Variants in SOX5 observed in about 807,000 individuals in gnomAD.
The protein encoded by SOX5 is transcription factor SOX-5.
Under a neutral mutation model 92.0 loss-of-function variants are expected in SOX5, and 9 were observed. That is an observed-to-expected ratio of 0.10 (90% CI 0.06 to 0.17). SOX5 has a LOEUF of 0.17. Ranked by LOEUF, SOX5 falls within the 10% of genes least tolerant of loss-of-function variation. The probability of loss-of-function intolerance (pLI) is 1.00; values close to 1 mark genes in which losing one functional copy is unlikely to be tolerated. For missense variants in SOX5, 642 were observed against 944.5 expected (o/e 0.68, Z 4.20); for synonymous variants, 344 against 336.3 (o/e 1.02, Z -0.25).
intron 12 of SOX5, 22 bp from the exon 13 acceptor site, chr12:23,543,406 T>A (rs888675020): frequency 6.2e-7 from 1 of 1,603,986 alleles, no homozygotes; most frequent in Non-Finnish European, 8.5e-7. Context: ...AAACATCACT[T>A]CGTGTTAGCG....
chr12:24,132,730 G>A (rs1260616680), intron 4 of SOX5, among the ~76,000 whole-genome samples: 3 of 151,964 alleles, frequency 2.0e-5, no homozygotes, highest in East Asian at 1.9e-4. Flanking sequence ...AAGCAAAAAC[G>A]CCACCACCAA....
intron 2 of SOX5, among the ~76,000 whole-genome samples, chr12:24,281,784 T>C (rs1315889001): frequency 1.3e-5 from 2 of 152,226 alleles, no homozygotes; most frequent in African/African-American, 2.4e-5. Flanking sequence ...TTCTTTTTTA[T>C]ATTATTTCAT....
At chr12:23,585,370 T>C (rs995900333) in intron 9 of SOX5, among the ~76,000 whole-genome samples, 5 of 152,308 alleles carry the variant, frequency 3.3e-5, no homozygotes, top group Admixed American at 2.0e-4. Context: ...AAAGCCATTG[T>C]CAGGAACTAT....
rs181052298 is a variant in SOX5 at position 23,580,734 on chromosome 12, A to G, written c.1165-4896T>C. Among the ~76,000 whole-genome samples the G allele has an allele frequency of 7.2e-5, 11 of 152,194 alleles. No homozygotes were observed. The East Asian group carries it at 2.1e-3, about 29-fold the overall frequency. Reference sequence around the variant, plus strand: ...TCTGGGATGTTCCATTTACATAATTATAGCTACGATAACTTGTCTGAAAGC... The same window carrying G: ...TCTGGGATGTTCCATTTACATAATTGTAGCTACGATAACTTGTCTGAAAGC... On this transcript the variant is annotated intron_variant, in intron 9 of 14. Coordinates refer to ENST00000451604, the MANE Select transcript of SOX5 (RefSeq NM_006940.6).
At chr12:24,271,933 T>C (rs1185189538) in intron 3 of SOX5, among the ~76,000 whole-genome samples, 1 of 152,034 alleles carries the variant, frequency 6.6e-6, no homozygotes. Context: ...GACTATCTTT[T>C]GCCTTTCACA....
intron 2 of SOX5, among the ~76,000 whole-genome samples, chr12:24,363,993 GT>G (rs1420594581): frequency 6.6e-6 from 1 of 152,180 alleles, no homozygotes; most frequent in African/African-American, 2.4e-5. Context: ...TGTCTGACAT[GT>G]TTTCGTCGGC....
intron 3 of SOX5, among the ~76,000 whole-genome samples, chr12:23,796,129 A>T (rs1328610402): frequency 1.3e-5 from 2 of 152,186 alleles, no homozygotes; most frequent in Non-Finnish European, 2.9e-5. Context: ...CTTTTAAATT[A>T]TAATGAATCC....
chr12:23,651,911 T>G (rs924176103), intron 7 of SOX5, among the ~76,000 whole-genome samples: 1 of 151,934 alleles, frequency 6.6e-6, no homozygotes, highest in Non-Finnish European at 1.5e-5. Context: ...GAAGGCTGAT[T>G]ATGGTCTATC....
chr12:23,842,494 G>T (rs930144210), intron 3 of SOX5, among the ~76,000 whole-genome samples: 1 of 152,058 alleles, frequency 6.6e-6, no homozygotes, highest in Non-Finnish European at 1.5e-5. Flanking sequence ...TCAAAGGAAC[G>T]ATACGTCAGA....
At chr12:23,802,152 C>A (rs565504368) in intron 3 of SOX5, among the ~76,000 whole-genome samples, 1 of 152,234 alleles carries the variant, frequency 6.6e-6, no homozygotes, top group East Asian at 1.9e-4. Context: ...CGGCTCACTG[C>A]AAGCTCTGCC....
At chr12:24,278,887 T>A (rs1445258700) in intron 2 of SOX5, among the ~76,000 whole-genome samples, 1 of 151,932 alleles carries the variant, frequency 6.6e-6, no homozygotes, top group East Asian at 1.9e-4. Context: ...TTTTTTTTTT[T>A]TTTTTAGTTA....
At chr12:24,524,503 T>C (rs890151069) in intron 1 of SOX5, among the ~76,000 whole-genome samples, 2 of 150,234 alleles carry the variant, frequency 1.3e-5, no homozygotes, top group African/African-American at 4.9e-5. Context: ...AGAAACGTTT[T>C]CAATTGAAAA....
chr12:23,961,019 A>C (rs1284126819), intron 4 of SOX5, among the ~76,000 whole-genome samples: 1 of 152,134 alleles, frequency 6.6e-6, no homozygotes, highest in African/African-American at 2.4e-5. Flanking sequence ...CATCTAATTA[A>C]ACTACAAACT....
At chr12:24,321,116 G>A (rs1402793850) in intron 2 of SOX5, among the ~76,000 whole-genome samples, 1 of 152,090 alleles carries the variant, frequency 6.6e-6, no homozygotes, top group Non-Finnish European at 1.5e-5. Context: ...TGTTAGCCAG[G>A]GTTAATGCTG....
chr12:24,445,458 A>G (rs1941331025), intron 1 of SOX5, among the ~76,000 whole-genome samples: 1 of 152,206 alleles, frequency 6.6e-6, no homozygotes, highest in African/African-American at 2.4e-5. Context: ...GGATTATTAG[A>G]CAGATGACTT....
At chr12:23,830,461 G>T (rs1309496311) in intron 3 of SOX5, among the ~76,000 whole-genome samples, 1 of 152,168 alleles carries the variant, frequency 6.6e-6, no homozygotes, top group East Asian at 1.9e-4. Context: ...ACTTAAAAGG[G>T]CTCAATTGAA....
intron 1 of SOX5, among the ~76,000 whole-genome samples, chr12:24,370,477 A>AG (rs1491222305): frequency 6.2e-5 from 2 of 32,214 alleles, no homozygotes; most frequent in African/African-American, 2.2e-4. Flanking sequence ...ACTCCGTCTC[A>AG]AAAAAAAAAA....
chr12:23,797,060 G>GA (rs1204955908), intron 3 of SOX5, among the ~76,000 whole-genome samples: 1 of 151,210 alleles, frequency 6.6e-6, no homozygotes, highest in African/African-American at 2.4e-5. Flanking sequence ...CGTAAAATCT[G>GA]AAAAAAACAC....
At chr12:24,425,781 C>G (rs970616289) in intron 1 of SOX5, among the ~76,000 whole-genome samples, 2 of 152,116 alleles carry the variant, frequency 1.3e-5, no homozygotes, top group Non-Finnish European at 2.9e-5. Flanking sequence ...GACATTTGGT[C>G]CAAACCTCTT....
Sources: allele counts gnomAD v4.1 joint callset (sites outside exome capture counted in the v4.1 genomes callset), GRCh38; gene constraint gnomAD v4.1.1; transcripts MANE v1.5; gene names NCBI Gene and HGNC (gene_info 2026-07-23, HGNC 2026-07-21).